Variants in STAG1 observed in about 807,000 individuals in gnomAD.
STAG1 encodes the protein cohesin subunit SA-1.
In STAG1, 26 loss-of-function variants were observed where a neutral mutation model predicts 170.9. The ratio of observed to expected loss-of-function variants is 0.15; its 90% CI spans 0.11 to 0.21. The LOEUF (loss-of-function observed/expected upper bound fraction) is 0.21. Among genes scored for constraint, STAG1 ranks in the 10% least tolerant of loss-of-function variants. The probability of loss-of-function intolerance (pLI) is 1.00; values close to 1 mark genes in which losing one functional copy is unlikely to be tolerated. For synonymous variants in STAG1, 514 were observed against 497.7 expected, an observed-to-expected ratio of 1.03 and a Z score of -0.44; for missense variants, 964 against 1,509.5, an observed-to-expected ratio of 0.64 and a Z score of 5.99.
At chr3:136,606,407 T>G (rs1938940076) in intron 3 of STAG1, among the ~76,000 whole-genome samples, 1 of 152,192 alleles carries the variant, frequency 6.6e-6, no homozygotes, top group Non-Finnish European at 1.5e-5. Context: ...CATGCTGGTC[T>G]TGAACTCCTG....
At chr3:136,464,136 G>C (rs887490512) in intron 13 of STAG1, among the ~76,000 whole-genome samples, 1 of 151,560 alleles carries the variant, frequency 6.6e-6, no homozygotes, top group Non-Finnish European at 1.5e-5. Flanking sequence ...AAATAATCCT[G>C]ATCATGGCCA....
At chr3:136,521,474 C>T (rs1934666922) in intron 6 of STAG1, 57 bp from the exon 7 acceptor site, 1 of 1,472,626 alleles carries the variant, frequency 6.8e-7, no homozygotes, top group African/African-American at 1.4e-5. Flanking sequence ...TTGATGAAAG[C>T]TTTTTTTTTC....
chr3:136,367,215 C>CA (rs1366964499), intron 24 of STAG1, 133 bp from the exon 25 acceptor site: 3 of 701,816 alleles, frequency 4.3e-6, no homozygotes, highest in Non-Finnish European at 7.0e-6. Flanking sequence ...TTAGATGGGA[C>CA]AAAAACTGTT....
intron 1 of STAG1, among the ~76,000 whole-genome samples, chr3:136,701,194 T>C (rs1425759206): frequency 6.6e-6 from 1 of 152,186 alleles, no homozygotes; most frequent in Non-Finnish European, 1.5e-5. Context: ...CTCTCAACTA[T>C]TTTAAGTTGA....
chr3:136,656,617 T>TTGTGTGTG lies in STAG1; in HGVS notation c.-83-25644_-83-25637dup, dbSNP rs71157397. On this transcript the variant is annotated intron_variant, in intron 1 of 33. Coordinates refer to ENST00000383202, the MANE Select transcript of STAG1 (RefSeq NM_005862.3). ...ATAAACGTGTGCTCTCTGTATTTAT[T>TTGTGTGTG]TGTGTGTGTGTGTGTGTGTGTGTGT... Among the ~76,000 whole-genome samples, 620 of 143,336 alleles carry TTGTGTGTG rather than the reference T, an allele frequency of 4.3e-3. 4 individuals carry two copies. The highest frequency in any genetic ancestry group is 0.011 in the Middle Eastern group (3 of 284). 94.0% of individuals were successfully genotyped at this position (143,336 alleles called of 152,430 possible).
At chr3:136,466,441 G>T (rs999319161) in intron 12 of STAG1, among the ~76,000 whole-genome samples, 5 of 152,116 alleles carry the variant, frequency 3.3e-5, no homozygotes, top group African/African-American at 9.7e-5. Flanking sequence ...AGTGAGAAGA[G>T]AAGTTAAGAG....
At chr3:136,387,795 C>T (rs2086909870) in intron 22 of STAG1, among the ~76,000 whole-genome samples, 2 of 152,202 alleles carry the variant, frequency 1.3e-5, no homozygotes, top group Admixed American at 6.5e-5. Context: ...ACTTATGATC[C>T]AGGAACCCTT....
At chr3:136,453,448 G>A (rs191936466) in intron 13 of STAG1, among the ~76,000 whole-genome samples, 40 of 151,936 alleles carry the variant, frequency 2.6e-4, no homozygotes, top group Non-Finnish European at 5.4e-4. Context: ...AAAATTAGCC[G>A]GGCGTGGTGG....
intron 13 of STAG1, among the ~76,000 whole-genome samples, chr3:136,461,278 T>TA (rs1482899267): frequency 6.6e-6 from 1 of 152,172 alleles, no homozygotes; most frequent in African/African-American, 2.4e-5. Context: ...AAGACCAGGA[T>TA]GCCAACTTTC....
intron 22 of STAG1, among the ~76,000 whole-genome samples, chr3:136,398,026 A>C (rs1474090629): frequency 6.6e-6 from 1 of 151,972 alleles, no homozygotes; most frequent in Non-Finnish European, 1.5e-5. Flanking sequence ...GGCTCACTGC[A>C]ACCTCTGCCT....
intron 5 of STAG1, among the ~76,000 whole-genome samples, chr3:136,567,400 T>C (rs960404844): frequency 2.6e-4 from 39 of 152,254 alleles, no homozygotes; most frequent in African/African-American, 8.9e-4. Flanking sequence ...CGTCCCGGAC[T>C]GAACCATGCT....
intron 28 of STAG1, among the ~76,000 whole-genome samples, chr3:136,352,159 T>C (rs1221652171): frequency 6.6e-6 from 1 of 152,160 alleles, no homozygotes; most frequent in African/African-American, 2.4e-5. Flanking sequence ...ATATTTGTTC[T>C]TTTTATTTAT....
intron 22 of STAG1, among the ~76,000 whole-genome samples, chr3:136,395,523 A>G (rs1421672734): frequency 6.6e-6 from 1 of 152,192 alleles, no homozygotes; most frequent in African/African-American, 2.4e-5. Flanking sequence ...CTGGAGGCTG[A>G]GGCAGGAGAA....
intron 1 of STAG1, among the ~76,000 whole-genome samples, chr3:136,736,071 C>T (rs772293445): frequency 5.9e-5 from 9 of 152,306 alleles, no homozygotes; most frequent in South Asian, 2.1e-4. Flanking sequence ...GCAACTGAAG[C>T]GAAGGGGCTT....
chr3:136,480,918 T>C (rs1372377842), intron 9 of STAG1, among the ~76,000 whole-genome samples: 10 of 144,908 alleles, frequency 6.9e-5, no homozygotes, highest in Admixed American at 4.3e-4. Context: ...GTGATTTTTG[T>C]ACATTGATTT....
chr3:136,340,488 T>C lies in STAG1; in HGVS notation c.3672+3A>G. On this transcript the variant is annotated splice_donor_region_variant and intron_variant, in intron 32 of 33. Transcript: ENST00000383202. Reference sequence around the variant, plus strand: ...AAAAGAAAAATATAGTGAATTTCTCTACCAGATCAATAACCATGGTGTCCT... The same window carrying C: ...AAAAGAAAAATATAGTGAATTTCTCCACCAGATCAATAACCATGGTGTCCT... The C allele has an allele frequency of 1.9e-6, 3 of 1,578,664 alleles. No individual in the cohort carries two copies. Among genetic ancestry groups the C allele is most frequent in the Non-Finnish European group, 2.6e-6 (3 of 1,147,770 alleles).
intron 7 of STAG1, among the ~76,000 whole-genome samples, chr3:136,510,616 T>G (rs563148639): frequency 2.0e-5 from 3 of 150,238 alleles, no homozygotes; most frequent in Admixed American, 6.6e-5. Flanking sequence ...TGTCTTTGTT[T>G]TTTTTTTTTT....
Position 136,613,313 on chromosome 3 carries a change from C to CA in STAG1, c.133-8841dup, listed in dbSNP as rs60449608. ...AAGTGAACAGAGTGAGACTCCGTCT[C>CA]AAAAAAAAAAAAAAAAAAAAAAGAA... is the stretch of plus-strand genomic sequence containing the variant. On this transcript the variant is annotated intron_variant, in intron 3 of 33. Transcript: ENST00000383202. 4.4e-3 allele frequency among the ~76,000 whole-genome samples: 265 copies of CA among 59,660 alleles called. 10 individuals are homozygous for CA. The highest frequency in any genetic ancestry group is 7.9e-3 in the African/African-American group (113 of 14,336). 39.1% of individuals were successfully genotyped at this position (59,660 alleles called of 152,430 possible).
At chr3:136,600,618 A>G (rs1576651809) in intron 4 of STAG1, among the ~76,000 whole-genome samples, 1 of 151,310 alleles carries the variant, frequency 6.6e-6, no homozygotes, top group Non-Finnish European at 1.5e-5. Context: ...TGCAACCTCT[A>G]CCTCCCGGGT....
Sources: allele counts gnomAD v4.1 joint callset (sites outside exome capture counted in the v4.1 genomes callset), GRCh38; gene constraint gnomAD v4.1.1; transcripts MANE v1.5; gene names NCBI Gene and HGNC (gene_info 2026-07-23, HGNC 2026-07-21).